Variants in NTRK3 observed in about 807,000 individuals in gnomAD.
The protein encoded by NTRK3 is neurotrophic receptor tyrosine kinase 3.
A neutral mutation model predicts 91.7 loss-of-function variants in NTRK3; 24 were observed. The observed-to-expected ratio is 0.26, with a 90% CI of 0.19 to 0.37. NTRK3 has a LOEUF of 0.37. Among genes scored for constraint, NTRK3 ranks in the 10% least tolerant of loss-of-function variants. The pLI is 1.00. For missense variants in NTRK3, 880 were observed against 1,068.9 expected (o/e 0.82, Z 2.46); for synonymous variants, 483 against 404.0 (o/e 1.20, Z -2.34).
rs143222336 is a variant in NTRK3 at position 87,876,232 on chromosome 15, G to A, written c.*703C>T. ...ATGGTTTTGTGTTGTGGGGTTGTCT[G>A]TTCTGTGTTTACCCGTAGGTGCCAT... On this transcript the variant is annotated 3_prime_UTR_variant, in exon 19 of 19. Transcript: ENST00000394480. 138 of 233,126 alleles carry A rather than the reference G, an allele frequency of 5.9e-4. 1 individual carries two copies. In the East Asian group the frequency reaches 8.3e-3, roughly 14 times the overall value. 14.4% of individuals were successfully genotyped at this position (233,126 alleles called of 1,614,324 possible). A position where few individuals can be genotyped will look rare whatever the true frequency, so the allele number is the denominator to read the frequency against.
Position 88,237,933 on chromosome 15 carries a change from G to T in NTRK3, c.248+17973C>A, listed in dbSNP as rs1460817703. Reference sequence around the variant, plus strand: ...TCCTTTGTTGAAGTCCTAACCCCCAGTACCTCGGAATGTAACTGTATTTGG... The same window carrying T: ...TCCTTTGTTGAAGTCCTAACCCCCATTACCTCGGAATGTAACTGTATTTGG... On this transcript the variant is annotated intron_variant, in intron 3 of 18. Coordinates refer to ENST00000394480, the Ensembl canonical transcript of NTRK3. The surrounding 1 kb of genome is among the most constrained non-coding windows in gnomAD (Gnocchi z 4.0). Among the ~76,000 whole-genome samples, 2 of 152,134 alleles carry T rather than the reference G, an allele frequency of 1.3e-5. No homozygotes were observed. The highest frequency in any genetic ancestry group is 2.9e-5 in the Non-Finnish European group (2 of 68,022).
intron 14 of NTRK3, among the ~76,000 whole-genome samples, chr15:88,004,961 A>G (rs1348523542): frequency 6.6e-6 from 1 of 152,216 alleles, no homozygotes; most frequent in Non-Finnish European, 1.5e-5. Flanking sequence ...AATGCCTAGC[A>G]AAGTGGTATT....
intron 17 of NTRK3, among the ~76,000 whole-genome samples, chr15:87,896,952 G>A (rs144414559): frequency 6.6e-6 from 1 of 152,280 alleles, no homozygotes; most frequent in East Asian, 1.9e-4. Flanking sequence ...AGATTCTTTG[G>A]AGGGAAAATG....
At chr15:87,968,186 TG>T (rs2072952225) in intron 14 of NTRK3, among the ~76,000 whole-genome samples, 1 of 152,228 alleles carries the variant, frequency 6.6e-6, no homozygotes, top group Non-Finnish European at 1.5e-5. Context: ...ATGGAATGTG[TG>T]TGTATACTTG....
intron 17 of NTRK3, among the ~76,000 whole-genome samples, chr15:87,891,659 G>T (rs2065862989): frequency 6.6e-6 from 1 of 152,104 alleles, no homozygotes; most frequent in Admixed American, 6.6e-5. Flanking sequence ...TTTCACTGAA[G>T]TTCACTCATT....
intron 13 of NTRK3, among the ~76,000 whole-genome samples, chr15:88,076,672 TAAAAAA>T (rs34053167): frequency 8.3e-6 from 1 of 120,410 alleles, no homozygotes; most frequent in Non-Finnish European, 1.8e-5. Context: ...TATACATATG[TAAAAAA>T]AAAAAAAAAA....
At chr15:88,074,435 A>G (rs2047359705) in intron 13 of NTRK3, among the ~76,000 whole-genome samples, 1 of 152,230 alleles carries the variant, frequency 6.6e-6, no homozygotes, top group Admixed American at 6.5e-5. Flanking sequence ...TAAATTGCCC[A>G]CACACGGCTA....
At chr15:87,912,730 A>C (rs2067161606) in intron 17 of NTRK3, among the ~76,000 whole-genome samples, 1 of 151,918 alleles carries the variant, frequency 6.6e-6, no homozygotes, top group Non-Finnish European at 1.5e-5. Context: ...CAAGATTGCC[A>C]GTGTAGATGC....
intron 17 of NTRK3, among the ~76,000 whole-genome samples, chr15:87,885,470 ACGGGAGAGTT>A (rs1282967019): frequency 2.6e-5 from 4 of 151,926 alleles, no homozygotes; most frequent in Admixed American, 2.6e-4. Flanking sequence ...ATAGAACAAT[ACGGGAGAGTT>A]ACTCTATCAG....
intron 15 of NTRK3, among the ~76,000 whole-genome samples, chr15:87,936,829 G>C (rs781481307): frequency 5.9e-5 from 9 of 152,014 alleles, no homozygotes; most frequent in Non-Finnish European, 1.3e-4. Context: ...TTACATACAG[G>C]GGTGCCCCTC....
chr15:88,155,722 A>G (rs2043825747), intron 5 of NTRK3, among the ~76,000 whole-genome samples: 1 of 152,260 alleles, frequency 6.6e-6, no homozygotes, highest in Non-Finnish European at 1.5e-5. Flanking sequence ...CACATGTTAA[A>G]GAGTGAAAAG....
intron 14 of NTRK3, among the ~76,000 whole-genome samples, chr15:88,010,972 CCGTCA>C (rs1322410729): frequency 1.3e-5 from 2 of 152,254 alleles, no homozygotes; most frequent in East Asian, 3.9e-4. Flanking sequence ...CAGGGTTTTG[CCGTCA>C]CACCACACTA....
At chr15:88,011,014 T>G (rs887687694) in intron 14 of NTRK3, among the ~76,000 whole-genome samples, 1 of 152,208 alleles carries the variant, frequency 6.6e-6, no homozygotes, top group African/African-American at 2.4e-5. Context: ...AAAAAATCCA[T>G]CCTTTTGGAC....
At chr15:88,102,653 A>C (rs1316510768) in intron 13 of NTRK3, among the ~76,000 whole-genome samples, 3 of 152,212 alleles carry the variant, frequency 2.0e-5, no homozygotes, top group African/African-American at 7.2e-5. Flanking sequence ...TATCCATGAT[A>C]ATTAAAAAAA....
In NTRK3 at chr15:88,049,970, T is replaced by C. The variant is rs147440819; in HGVS notation, c.1397-16925A>G. Among the ~76,000 whole-genome samples, 36 of 152,330 alleles carry C rather than the reference T, an allele frequency of 2.4e-4. 1 individual carries two copies. In the East Asian group the frequency reaches 6.6e-3, roughly 28 times the overall value. ...CTCCTGACGCTCATAGATGCAAAAC[T>C]TCACACTCAACAATTTTAGAAACAT... On this transcript the variant is annotated intron_variant, in intron 13 of 18. Coordinates refer to ENST00000394480, the Ensembl canonical transcript of NTRK3.
At chr15:88,247,036 T>C (rs1179339915) in intron 3 of NTRK3, among the ~76,000 whole-genome samples, 1 of 152,058 alleles carries the variant, frequency 6.6e-6, no homozygotes, top group Non-Finnish European at 1.5e-5. Flanking sequence ...GAAGCCAAAA[T>C]CTTTTAAGGT....
rs954149858 is a variant in NTRK3, at chr15:88,255,856, G to A, written c.248+50C>T. The A allele has an allele frequency of 7.7e-6, 12 of 1,553,818 alleles. No homozygotes were observed. Among genetic ancestry groups the A allele is most frequent in the Non-Finnish European group, 1.1e-5 (12 of 1,142,796 alleles). ...CTCCCGGCCGCGGGTGGGCAGGAGG[G>A]AGACGCAGAGCGCGGGGGAGGCAGG... On this transcript the variant is annotated intron_variant, in intron 3 of 18. Coordinates refer to ENST00000394480, the Ensembl canonical transcript of NTRK3. The surrounding 1 kb of genome is among the most constrained non-coding windows in gnomAD (Gnocchi z 4.3).
intron 14 of NTRK3, among the ~76,000 whole-genome samples, chr15:88,006,405 G>A (rs1193166206): frequency 6.6e-6 from 1 of 152,172 alleles, no homozygotes; most frequent in Non-Finnish European, 1.5e-5. Context: ...TGAAGCACCT[G>A]GTGCAATGCT....
intron 18 of NTRK3, among the ~76,000 whole-genome samples, chr15:87,878,909 G>A (rs1192311397): frequency 1.5e-4 from 1 of 6,810 alleles, no homozygotes; most frequent in Non-Finnish European, 3.9e-4. Flanking sequence ...CATGCATGGT[G>A]TGTGTGTGTG....
Sources: gnomAD v4.1 joint callset for allele counts (sites outside exome capture counted in the v4.1 genomes callset) on GRCh38, gnomAD v4.1.1 for gene constraint, Gnocchi (gnomAD v3.1) non-coding constraint, MANE v1.5 for transcripts, NCBI Gene and HGNC (gene_info 2026-07-23, HGNC 2026-07-21) for gene names.